PAPPA2: variants seen among roughly 807,000 people sequenced by gnomAD.
PAPPA2 encodes pappalysin 2.
In PAPPA2, 86 loss-of-function variants were observed where a neutral mutation model predicts 176.4. The ratio of observed to expected loss-of-function variants is 0.49; its 90% CI spans 0.41 to 0.58. PAPPA2 has a LOEUF of 0.58. Ranked by LOEUF, PAPPA2 falls within the 20% of genes least tolerant of loss-of-function variation. The pLI is 0.00. For synonymous variants in PAPPA2, 809 were observed against 852.2 expected (o/e 0.95, Z 0.88); for missense variants, 2,073 against 2,256.9 (o/e 0.92, Z 1.65).
At chr1:176,706,991 T>A (rs1342198645) in intron 10 of PAPPA2, among the ~76,000 whole-genome samples, 1 of 152,140 alleles carries the variant, frequency 6.6e-6, no homozygotes, top group Non-Finnish European at 1.5e-5. Context: ...CTGGTAAAAA[T>A]TTTAACTTTG....
At position 176,740,157 on chromosome 1, in the gene PAPPA2, G is replaced by A. The variant is rs1662610279; in HGVS notation, c.4112G>A (p.Cys1371Tyr). 1.2e-6 allele frequency: 2 copies of A among 1,613,788 alleles called. No homozygotes were observed. Among genetic ancestry groups the A allele is most frequent in the South Asian group, 2.2e-5 (2 of 91,078 alleles). ...SRIGLSAPSN[C>Y]ISEDEGQNHQ... ...ATTGGTCTTTCGGCTCCCAGTAACT[G>A]CATCTCAGAGGACGAGGGGCAGAAT... Residue 1371 changes from cysteine (C) to tyrosine (Y), a missense_variant, in exon 14 of 23, where the codon TGC (cysteine) becomes TAC (tyrosine). Transcript: ENST00000367662.
chr1:176,557,682 G>T (rs1651409131), intron 2 of PAPPA2, among the ~76,000 whole-genome samples: 1 of 152,168 alleles, frequency 6.6e-6, no homozygotes, highest in Non-Finnish European at 1.5e-5. Flanking sequence ...GGTCCAGGTG[G>T]TGAGGAAACA....
chr1:176,518,138 C>T (rs1055911149), intron 1 of PAPPA2, among the ~76,000 whole-genome samples: 1 of 152,152 alleles, frequency 6.6e-6, no homozygotes, highest in Non-Finnish European at 1.5e-5. Context: ...TACCTACTTA[C>T]CTATTCGTCT....
chr1:176,810,433 A>G (rs1230478473), intron 21 of PAPPA2, among the ~76,000 whole-genome samples: 1 of 152,118 alleles, frequency 6.6e-6, no homozygotes, highest in Non-Finnish European at 1.5e-5. Flanking sequence ...ACTATTTCAC[A>G]TCAGATCATC....
chr1:176,785,434 T>C (rs1664893727), intron 17 of PAPPA2, among the ~76,000 whole-genome samples: 1 of 152,058 alleles, frequency 6.6e-6, no homozygotes, highest in African/African-American at 2.4e-5. Flanking sequence ...GGGAGGCCCA[T>C]GGAGAGACGG....
At position 176,595,062 on chromosome 1, in the gene PAPPA2, A is replaced by T; in HGVS notation, c.1458A>T (p.Pro486=). The change falls in exon 3 of 23, where the codon CCA becomes CCT. Residue 486 remains proline, a synonymous_variant. Transcript: ENST00000367662. ...TTGAGGTTCTCCAGGGCTTTGAGCC[A>T]GAGCCTGAGATTCTGTCGCCTTTGC... ...PRLEVLQGFE[P]EPEILSPLQP... is the part of the protein sequence containing the mutation. The T allele has an allele frequency of 6.2e-7, 1 of 1,614,170 alleles. No individual in the cohort carries two copies. Among genetic ancestry groups the T allele is most frequent in the Admixed American group, 1.7e-5 (1 of 60,022 alleles).
intron 3 of PAPPA2, among the ~76,000 whole-genome samples, chr1:176,606,687 A>G (rs535627359): frequency 6.6e-6 from 1 of 152,076 alleles, no homozygotes; most frequent in South Asian, 2.1e-4. Context: ...CTGGTCTTGA[A>G]ATTCTGACCT....
chr1:176,702,773 G>GTA, intron 9 of PAPPA2, 38 bp downstream of exon 9: 1 of 1,477,440 alleles, frequency 6.8e-7, no homozygotes. Context: ...GTGTGTGTGT[G>GTA]TGTGAGAGAG....
At chr1:176,811,963 A>G (rs543910143) in intron 21 of PAPPA2, among the ~76,000 whole-genome samples, 1 of 152,082 alleles carries the variant, frequency 6.6e-6, no homozygotes, top group East Asian at 1.9e-4. Context: ...AGCACAACCA[A>G]CCGTCCAAAT....
intron 12 of PAPPA2, among the ~76,000 whole-genome samples, chr1:176,735,906 T>G (rs1662391464): frequency 6.6e-6 from 1 of 152,110 alleles, no homozygotes; most frequent in Non-Finnish European, 1.5e-5. Flanking sequence ...ACAGTACTTG[T>G]CTCCTACCTG....
intron 1 of PAPPA2, among the ~76,000 whole-genome samples, chr1:176,465,690 A>G (rs1211190378): frequency 7.0e-6 from 1 of 141,976 alleles, no homozygotes; most frequent in Non-Finnish European, 1.5e-5. Flanking sequence ...CAGGTTTGTT[A>G]TATAGGTAAA....
intron 1 of PAPPA2, among the ~76,000 whole-genome samples, chr1:176,510,584 G>C (rs1249512354): frequency 6.6e-6 from 1 of 151,650 alleles, no homozygotes; most frequent in African/African-American, 2.4e-5. Context: ...CCTACAAATT[G>C]TAAATATATG....
At chr1:176,789,163 A>G (rs1014903176) in intron 17 of PAPPA2, among the ~76,000 whole-genome samples, 17 of 152,334 alleles carry the variant, frequency 1.1e-4, no homozygotes, top group African/African-American at 4.1e-4. Context: ...ATGTCCAACA[A>G]TGATAGACTG....
At chr1:176,579,730 T>C (rs1652855494) in intron 2 of PAPPA2, among the ~76,000 whole-genome samples, 1 of 152,210 alleles carries the variant, frequency 6.6e-6, no homozygotes, top group African/African-American at 2.4e-5. Context: ...TAGACTTGGT[T>C]TTGATACCTT....
chr1:176,816,152 G>GTATGTA (rs1666375797), intron 21 of PAPPA2, among the ~76,000 whole-genome samples: 1 of 42,260 alleles, frequency 2.4e-5, no homozygotes, highest in African/African-American at 8.0e-5. Context: ...CTTTCACAGT[G>GTATGTA]TATATATATA....
chr1:176,549,107 T>C (rs1401820926), intron 1 of PAPPA2, among the ~76,000 whole-genome samples: 1 of 152,232 alleles, frequency 6.6e-6, no homozygotes, highest in East Asian at 1.9e-4. Flanking sequence ...TGCTCTCATG[T>C]AAGTGTTTTC....
intron 12 of PAPPA2, among the ~76,000 whole-genome samples, chr1:176,729,295 C>T (rs1662022631): frequency 6.6e-6 from 1 of 152,032 alleles, no homozygotes; most frequent in South Asian, 2.1e-4. Flanking sequence ...AAGTTCTAGA[C>T]ATTACGTGAT....
intron 3 of PAPPA2, among the ~76,000 whole-genome samples, chr1:176,652,623 C>T (rs760077323): frequency 1.2e-4 from 18 of 151,650 alleles, no homozygotes; most frequent in Non-Finnish European, 2.7e-4. Flanking sequence ...GTTTCCAGGG[C>T]TGGGGATGGT....
chr1:176,511,081 G>T (rs1157187675), intron 1 of PAPPA2, among the ~76,000 whole-genome samples: 1 of 151,524 alleles, frequency 6.6e-6, no homozygotes, highest in Admixed American at 6.6e-5. Flanking sequence ...TATTAGAATG[G>T]ATTAAAAAAA....
Sources: allele counts gnomAD v4.1 joint callset (sites outside exome capture counted in the v4.1 genomes callset), GRCh38; gene constraint gnomAD v4.1.1; transcripts MANE v1.5; gene names NCBI Gene and HGNC (gene_info 2026-07-23, HGNC 2026-07-21).